The following EYA2 variants were observed in gnomAD, a reference collection of about 807,000 sequenced individuals.
EYA2 encodes EYA transcriptional coactivator and phosphatase 2.
A neutral mutation model predicts 69.2 loss-of-function variants in EYA2; 31 were observed. That is an observed-to-expected ratio of 0.45 (90% CI 0.34 to 0.60). The LOEUF is 0.60. Among genes scored for constraint, EYA2 ranks in the 20% least tolerant of loss-of-function variants. The pLI is 0.02. For synonymous variants in EYA2, 257 were observed against 279.4 expected (o/e 0.92, Z 0.80); for missense variants, 622 against 701.2 (o/e 0.89, Z 1.28).
rs562631749 is a variant in EYA2, at chr20:47,096,078, A to G, written c.805-1007A>G. The G allele has an allele frequency of 2.6e-5, 4 of 152,354 alleles. No homozygotes were observed. In the South Asian group the frequency reaches 8.3e-4, roughly 32 times the overall value. 9.4% of individuals were successfully genotyped at this position (152,354 alleles called of 1,614,324 possible). A position where few individuals can be genotyped will look rare whatever the true frequency, so the allele number is the denominator to read the frequency against. On this transcript the variant is annotated intron_variant, in intron 8 of 15. Transcript: ENST00000327619. Reference sequence around the variant, plus strand: ...ATTAATAAATTCTGACAAAACCAAAAAAGTTACATCAGACAGGTATGATAC... The same window carrying G: ...ATTAATAAATTCTGACAAAACCAAAGAAGTTACATCAGACAGGTATGATAC...
chr20:47,076,054 G>C (rs2031500989), intron 7 of EYA2, among the ~76,000 whole-genome samples: 1 of 152,238 alleles, frequency 6.6e-6, no homozygotes, highest in Admixed American at 6.5e-5. Flanking sequence ...TGGCTGCGTA[G>C]TATTCCATGG....
chr20:47,083,783 G>A (rs2031803856), intron 7 of EYA2, among the ~76,000 whole-genome samples: 1 of 152,090 alleles, frequency 6.6e-6, no homozygotes, highest in Admixed American at 6.5e-5. Flanking sequence ...AAGAAAAAAA[G>A]AATATAAACT....
chr20:47,010,947 C>G (rs564688034), intron 4 of EYA2, among the ~76,000 whole-genome samples: 1 of 151,998 alleles, frequency 6.6e-6, no homozygotes, highest in Admixed American at 6.6e-5. Context: ...ACCACCACAC[C>G]CAGCTAATTT....
At chr20:46,968,336 CA>C (rs1308395633) in intron 1 of EYA2, among the ~76,000 whole-genome samples, 1 of 152,222 alleles carries the variant, frequency 6.6e-6, no homozygotes, top group Non-Finnish European at 1.5e-5. Flanking sequence ...GAATGGCAAA[CA>C]TTTACCTGGC....
intron 1 of EYA2, among the ~76,000 whole-genome samples, chr20:46,959,119 C>T (rs1041554207): frequency 6.6e-6 from 1 of 152,252 alleles, no homozygotes; most frequent in African/African-American, 2.4e-5. Context: ...AATCGCCACA[C>T]TGTCTGAGGA....
intron 2 of EYA2, among the ~76,000 whole-genome samples, chr20:46,999,749 C>A (rs553896448): frequency 6.6e-6 from 1 of 152,206 alleles, no homozygotes; most frequent in African/African-American, 2.4e-5. Flanking sequence ...AGAGTGTTGA[C>A]CTTGGACTCA....
chr20:47,020,156 T>TC (rs1983663782), intron 5 of EYA2, among the ~76,000 whole-genome samples: 2 of 17,520 alleles, frequency 1.1e-4, no homozygotes, highest in South Asian at 4.5e-3. Flanking sequence ...AAATATATAA[T>TC]TTTTAGAAGC....
At chr20:46,989,743 T>A (rs1388182667) in intron 1 of EYA2, among the ~76,000 whole-genome samples, 1 of 152,246 alleles carries the variant, frequency 6.6e-6, no homozygotes. Context: ...ATAATTTTTC[T>A]AATGGCAAAA....
Position 47,082,578 on chromosome 20 carries a change from C to T in EYA2, c.662-6661C>T, listed in dbSNP as rs142381827. Among the ~76,000 whole-genome samples, 306 of 152,230 alleles carry T rather than the reference C, an allele frequency of 2.0e-3. 3 individuals are homozygous for T. The highest frequency in any genetic ancestry group is 7.2e-3 in the African/African-American group (297 of 41,518). On this transcript the variant is annotated intron_variant, in intron 7 of 15. Coordinates refer to ENST00000327619, the MANE Select transcript of EYA2 (RefSeq NM_005244.5). ...AACTGCTGAGAGAAGTTAAAGAAGG[C>T]ATTAATAAATGGAGATATATACCTG...
At chr20:47,094,500 G>A (rs1343598291) in intron 8 of EYA2, among the ~76,000 whole-genome samples, 3 of 152,178 alleles carry the variant, frequency 2.0e-5, no homozygotes, top group Admixed American at 2.0e-4. Flanking sequence ...GAGAATCTGG[G>A]ATGCTAATAC....
chr20:46,984,122 T>C (rs1981021313), intron 1 of EYA2, among the ~76,000 whole-genome samples: 1 of 152,176 alleles, frequency 6.6e-6, no homozygotes, highest in Non-Finnish European at 1.5e-5. Context: ...TCTAAATGAA[T>C]TGAAGACTTA....
intron 5 of EYA2, among the ~76,000 whole-genome samples, chr20:47,046,453 A>G (rs900590580): frequency 5.3e-5 from 8 of 152,206 alleles, no homozygotes; most frequent in African/African-American, 1.9e-4. Flanking sequence ...CCGAAGGATG[A>G]AGGTGTCTGC....
chr20:46,895,283 A>G (rs1983744676), intron 1 of EYA2, among the ~76,000 whole-genome samples: 1 of 152,086 alleles, frequency 6.6e-6, no homozygotes, highest in Non-Finnish European at 1.5e-5. Context: ...GCGCGGGACA[A>G]GTGCATGGCG....
chr20:46,930,193 T>A (rs1451290757), intron 1 of EYA2, among the ~76,000 whole-genome samples: 3 of 152,226 alleles, frequency 2.0e-5, no homozygotes, highest in Admixed American at 2.0e-4. Context: ...AGATTTTGCA[T>A]AAGTATCAAT....
At chr20:47,068,037 T>C (rs982161828) in intron 5 of EYA2, among the ~76,000 whole-genome samples, 1 of 152,226 alleles carries the variant, frequency 6.6e-6, no homozygotes, top group African/African-American at 2.4e-5. Flanking sequence ...GTTTGATTAA[T>C]AAATGAATGA....
At chr20:46,996,867 G>A (rs1230025090) in intron 2 of EYA2, among the ~76,000 whole-genome samples, 1 of 151,934 alleles carries the variant, frequency 6.6e-6, no homozygotes, top group Non-Finnish European at 1.5e-5. Context: ...GAGGAAGAGA[G>A]GGGGGTGGCA....
At chr20:46,986,025 A>G (rs561909340) in intron 1 of EYA2, among the ~76,000 whole-genome samples, 6 of 152,186 alleles carry the variant, frequency 3.9e-5, no homozygotes, top group Admixed American at 3.9e-4. Flanking sequence ...CACATACCGA[A>G]AAGAATGAAG....
At chr20:47,058,302 T>C (rs2030730141) in intron 5 of EYA2, among the ~76,000 whole-genome samples, 1 of 152,200 alleles carries the variant, frequency 6.6e-6, no homozygotes, top group Non-Finnish European at 1.5e-5. Flanking sequence ...GCCAAGTGCC[T>C]GTAGGGGTGT....
At chr20:46,900,210 G>GT (rs1314164135) in intron 1 of EYA2, among the ~76,000 whole-genome samples, 2 of 152,234 alleles carry the variant, frequency 1.3e-5, no homozygotes, top group Admixed American at 1.3e-4. Context: ...CTCTGCTAAT[G>GT]TAACTAAAGG....
Sources: allele counts gnomAD v4.1 joint callset (sites outside exome capture counted in the v4.1 genomes callset), GRCh38; gene constraint gnomAD v4.1.1; transcripts MANE v1.5; gene names NCBI Gene and HGNC (gene_info 2026-07-23, HGNC 2026-07-21).